The following SEMA6D variants were observed in gnomAD, a reference collection of about 807,000 sequenced individuals.
The protein encoded by SEMA6D is semaphorin-6D.
SEMA6D carries 35 observed loss-of-function variants against 106.6 expected under a neutral mutation model. That is an observed-to-expected ratio of 0.33 (90% CI 0.25 to 0.44). The LOEUF is 0.44. SEMA6D is among the 20% of genes least tolerant of loss of function. The pLI is 1.00. For synonymous variants in SEMA6D, 499 were observed against 487.7 expected (o/e 1.02, Z -0.31); for missense variants, 1,185 against 1,345.9 (o/e 0.88, Z 1.87).
chr15:47,576,703 C>T (rs1192664221), intron 3 of SEMA6D, among the ~76,000 whole-genome samples: 2 of 152,176 alleles, frequency 1.3e-5, no homozygotes, highest in African/African-American at 2.4e-5. Context: ...ACTCCTTGGA[C>T]CCGGGCTAGG....
chr15:47,727,911 T>C (rs2079867207), intron 1 of SEMA6D, among the ~76,000 whole-genome samples: 1 of 152,208 alleles, frequency 6.6e-6, no homozygotes, highest in Non-Finnish European at 1.5e-5. Flanking sequence ...CACAATTGAC[T>C]AGATGCATTA....
chr15:47,461,706 G>A (rs867539246), intron 2 of SEMA6D, among the ~76,000 whole-genome samples: 1 of 152,040 alleles, frequency 6.6e-6, no homozygotes, highest in Non-Finnish European at 1.5e-5. Flanking sequence ...TATTTGGAAT[G>A]GAAAATCTAG....
intron 4 of SEMA6D, among the ~76,000 whole-genome samples, chr15:47,704,660 A>G (rs2078878316): frequency 6.6e-6 from 1 of 152,314 alleles, no homozygotes; most frequent in East Asian, 1.9e-4. Flanking sequence ...GCAGTGAGCC[A>G]TGGAGCCATG....
At chr15:47,681,683 A>G (rs539905239) in intron 4 of SEMA6D, among the ~76,000 whole-genome samples, 10 of 152,382 alleles carry the variant, frequency 6.6e-5, no homozygotes, top group African/African-American at 1.7e-4. Flanking sequence ...GTCAATCACT[A>G]TATGACATTG....
intron 1 of SEMA6D, among the ~76,000 whole-genome samples, chr15:47,382,237 G>A (rs1236017953): frequency 2.0e-5 from 3 of 152,028 alleles, no homozygotes; most frequent in East Asian, 1.9e-4. Flanking sequence ...TACTGGGTGC[G>A]GTGGCTCACA....
intron 4 of SEMA6D, among the ~76,000 whole-genome samples, chr15:47,621,275 T>G (rs1181485456): frequency 6.6e-6 from 1 of 152,150 alleles, no homozygotes; most frequent in Non-Finnish European, 1.5e-5. Context: ...GACTTTTTGC[T>G]AAGTAGAACA....
At chr15:47,764,109 G>GT in intron 10 of SEMA6D, 42 bp downstream of exon 10, 1 of 1,613,102 alleles carries the variant, frequency 6.2e-7, no homozygotes, top group Non-Finnish European at 8.5e-7. Flanking sequence ...TTCTCTGCAT[G>GT]CCTGTCAGAA....
intron 13 of SEMA6D, chr15:47,765,516 TGGAGCCAA>T (rs2147838218): frequency 1.1e-6 from 1 of 902,958 alleles, no homozygotes; most frequent in African/African-American, 1.8e-5. Context: ...AAGAGAGAAA[TGGAGCCAA>T]GGGGACTAAG....
chr15:47,293,584 C>T (rs1472509253), intron 1 of SEMA6D, among the ~76,000 whole-genome samples: 2 of 152,102 alleles, frequency 1.3e-5, no homozygotes, highest in East Asian at 3.9e-4. Flanking sequence ...TGTGTAAGGG[C>T]CTTTGCCATG....
At chr15:47,734,479 C>G (rs542312719) in intron 1 of SEMA6D, among the ~76,000 whole-genome samples, 10 of 152,224 alleles carry the variant, frequency 6.6e-5, no homozygotes, top group African/African-American at 1.9e-4. Flanking sequence ...TTACACAGGG[C>G]CCTGCAAATC....
At chr15:47,391,861 G>T (rs934710092) in intron 1 of SEMA6D, among the ~76,000 whole-genome samples, 1 of 152,036 alleles carries the variant, frequency 6.6e-6, no homozygotes, top group Non-Finnish European at 1.5e-5. Flanking sequence ...GGAACCACCA[G>T]CTATTCATAT....
At chr15:47,363,285 C>T (rs572242392) in intron 1 of SEMA6D, among the ~76,000 whole-genome samples, 1 of 152,266 alleles carries the variant, frequency 6.6e-6, no homozygotes, top group African/African-American at 2.4e-5. Context: ...CTCCAAGCCC[C>T]TATGTTAAGA....
At chr15:47,214,792 A>T (rs1228631720) in intron 1 of SEMA6D, among the ~76,000 whole-genome samples, 1 of 152,192 alleles carries the variant, frequency 6.6e-6, no homozygotes, top group African/African-American at 2.4e-5. Context: ...AAATCAGAAG[A>T]TGTATACCTG....
At chr15:47,365,329 G>A (rs1477325977) in intron 1 of SEMA6D, among the ~76,000 whole-genome samples, 7 of 152,210 alleles carry the variant, frequency 4.6e-5, no homozygotes, top group African/African-American at 1.7e-4. Context: ...GCTTGATGAA[G>A]TGTGAATAAT....
intron 1 of SEMA6D, among the ~76,000 whole-genome samples, chr15:47,189,559 G>C (rs894504530): frequency 6.6e-6 from 1 of 152,158 alleles, no homozygotes; most frequent in South Asian, 2.1e-4. Context: ...ACCCAAGGAG[G>C]CATGGTTAGG....
At chr15:47,205,052 A>C (rs145308877) in intron 1 of SEMA6D, among the ~76,000 whole-genome samples, 2 of 152,110 alleles carry the variant, frequency 1.3e-5, no homozygotes, top group African/African-American at 4.8e-5. Context: ...AAGAACATCA[A>C]AATTAATATT....
At chr15:47,498,060 T>C (rs1253053473) in intron 3 of SEMA6D, among the ~76,000 whole-genome samples, 1 of 152,168 alleles carries the variant, frequency 6.6e-6, no homozygotes, top group African/African-American at 2.4e-5. Context: ...CGAAAACACA[T>C]TGATTCCCTG....
At chr15:47,678,781 GTATT>G (rs1335376211) in intron 4 of SEMA6D, among the ~76,000 whole-genome samples, 1 of 151,852 alleles carries the variant, frequency 6.6e-6, no homozygotes, top group East Asian at 1.9e-4. Context: ...TTATATGTAT[GTATT>G]TGTGTTATTT....
intron 3 of SEMA6D, among the ~76,000 whole-genome samples, chr15:47,546,706 TG>T (rs1482480322): frequency 1.3e-5 from 2 of 151,712 alleles, no homozygotes; most frequent in African/African-American, 4.8e-5. Context: ...AAACCCACCA[TG>T]GTGGGGCGTG....
Sources: allele counts gnomAD v4.1 joint callset (sites outside exome capture counted in the v4.1 genomes callset), GRCh38; gene constraint gnomAD v4.1.1; transcripts MANE v1.5; gene names NCBI Gene and HGNC (gene_info 2026-07-23, HGNC 2026-07-21).